FBXO34: variants seen among roughly 807,000 people sequenced by gnomAD.
FBXO34 encodes the protein F-box only protein 34.
In FBXO34, 12 loss-of-function variants were observed where a neutral mutation model predicts 24.5. The observed-to-expected ratio is 0.49, with a 90% CI of 0.31 to 0.79. The LOEUF (loss-of-function observed/expected upper bound fraction) is 0.79. FBXO34 is among the 30% of genes least tolerant of loss of function. The pLI, the probability that FBXO34 is intolerant of heterozygous loss-of-function variation, is 0.04. For missense variants in FBXO34, 823 were observed against 857.7 expected, an observed-to-expected ratio of 0.96 and a Z score of 0.51; for synonymous variants, 320 against 311.9, an observed-to-expected ratio of 1.03 and a Z score of -0.27.
intron 1 of FBXO34, among the ~76,000 whole-genome samples, chr14:55,273,977 T>C (rs1388045472): frequency 6.6e-6 from 1 of 152,152 alleles, no homozygotes; most frequent in Non-Finnish European, 1.5e-5. Context: ...GGCTAATTTT[T>C]GTATTTTTAG....
chr14:55,433,652 T>C, the FBXO34 span: 1 of 1,614,112 alleles, frequency 6.2e-7, no homozygotes, highest in Non-Finnish European at 8.5e-7. Flanking sequence ...GTGCAGACCA[T>C]CTTCCCAGAG....
chr14:55,293,617 TC>T (rs763734456), intron 1 of FBXO34, among the ~76,000 whole-genome samples: 1 of 151,774 alleles, frequency 6.6e-6, no homozygotes, highest in Non-Finnish European at 1.5e-5. Flanking sequence ...TTTTTTTAAA[TC>T]AATGAAGGCT....
At chr14:55,429,963 G>A in the FBXO34 span, among the ~76,000 whole-genome samples, 2 of 151,802 alleles carry the variant, frequency 1.3e-5, no homozygotes, top group East Asian at 3.9e-4. Flanking sequence ...TGTTTTGCTC[G>A]GCTTTCTCAC....
At chr14:55,398,049 G>GC in the FBXO34 span, among the ~76,000 whole-genome samples, 1 of 147,022 alleles carries the variant, frequency 6.8e-6, no homozygotes, top group Non-Finnish European at 1.5e-5. Flanking sequence ...CTGGGCTCAC[G>GC]CCATTCTCCC....
chr14:55,302,701 C>G (rs2139715649), intron 1 of FBXO34, among the ~76,000 whole-genome samples: 1 of 151,812 alleles, frequency 6.6e-6, no homozygotes, highest in Non-Finnish European at 1.5e-5. Flanking sequence ...CTAGAGTAGG[C>G]TTTATAATTA....
At chr14:55,315,386 A>G (rs1485976497) in intron 1 of FBXO34, among the ~76,000 whole-genome samples, 1 of 152,126 alleles carries the variant, frequency 6.6e-6, no homozygotes, top group East Asian at 1.9e-4. Context: ...GGTTTTATGT[A>G]TACCTGTTAT....
chr14:55,433,847 T>A, the FBXO34 span: 3 of 718,396 alleles, frequency 4.2e-6, no homozygotes, highest in Non-Finnish European at 6.7e-6. Context: ...CTGGGTCTTT[T>A]CTCCCTACAT....
At chr14:55,385,387 G>A in the FBXO34 span, among the ~76,000 whole-genome samples, 1 of 152,120 alleles carries the variant, frequency 6.6e-6, no homozygotes, top group Non-Finnish European at 1.5e-5. Context: ...CGGCCTCCTG[G>A]GTTCAAGCAA....
downstream of FBXO34, among the ~76,000 whole-genome samples, chr14:55,372,819 C>G (rs1355262426): frequency 6.6e-6 from 1 of 152,092 alleles, no homozygotes; most frequent in East Asian, 1.9e-4. Context: ...GCAGAAGGGA[C>G]AGAGAGGAGG....
chr14:55,432,901 AGCTAAT>A, the FBXO34 span, among the ~76,000 whole-genome samples: 1 of 152,178 alleles, frequency 6.6e-6, no homozygotes, highest in Non-Finnish European at 1.5e-5. Flanking sequence ...ATGCCTCCTG[AGCTAAT>A]GCAAGCTAAT....
intron 1 of FBXO34, among the ~76,000 whole-genome samples, chr14:55,349,607 C>CTTTTTTTTTTTTTT (rs57284715): frequency 1.7e-5 from 2 of 116,636 alleles, no homozygotes; most frequent in East Asian, 2.5e-4. Flanking sequence ...CAATAATTTT[C>CTTTTTTTTTTTTTT]TTTTTTTTTT....
At chr14:55,378,396 T>C in the FBXO34 span, among the ~76,000 whole-genome samples, 5,285 of 152,344 alleles carry the variant, frequency 0.035, 246 homozygotes, top group African/African-American at 0.1. Flanking sequence ...TGGTAAGATC[T>C]TGACACCTTT....
At chr14:55,403,453 G>A in the FBXO34 span, among the ~76,000 whole-genome samples, 1 of 151,982 alleles carries the variant, frequency 6.6e-6, no homozygotes, top group Non-Finnish European at 1.5e-5. Context: ...TCTAAACTGG[G>A]ACAGCCTTTA....
the FBXO34 span, chr14:55,414,247 T>C: frequency 1.5e-6 from 1 of 680,282 alleles, no homozygotes; most frequent in Admixed American, 2.9e-5. Context: ...TTAGGTTACT[T>C]ACACAGAGTC....
At chr14:55,391,192 T>C in the FBXO34 span, 1 of 460,080 alleles carries the variant, frequency 2.2e-6, no homozygotes, top group South Asian at 2.4e-5. Flanking sequence ...AAAAGAGAAA[T>C]TAGGCCAGTG....
chr14:55,419,669 G>T, the FBXO34 span, among the ~76,000 whole-genome samples: 1 of 152,190 alleles, frequency 6.6e-6, no homozygotes, highest in East Asian at 1.9e-4. Flanking sequence ...CATGGTGGCT[G>T]TAGCTGTGGC....
chr14:55,397,838 T>C, the FBXO34 span, among the ~76,000 whole-genome samples: 1 of 152,214 alleles, frequency 6.6e-6, no homozygotes, highest in South Asian at 2.1e-4. Flanking sequence ...AATAAATTTT[T>C]AAAAATTGTA....
chr14:55,391,016 T>A, the FBXO34 span: 1 of 1,543,360 alleles, frequency 6.5e-7, no homozygotes, highest in Non-Finnish European at 8.9e-7. Flanking sequence ...GTAATAAATA[T>A]CACAAACGTT....
chr14:55,391,056 C>T, the FBXO34 span: 1 of 1,032,270 alleles, frequency 9.7e-7, no homozygotes, highest in East Asian at 2.6e-5. Context: ...GATTATCTAC[C>T]TGGGATCACT....
Sources: gnomAD v4.1 joint callset for allele counts (sites outside exome capture counted in the v4.1 genomes callset) on GRCh38, gnomAD v4.1.1 for gene constraint, MANE v1.5 for transcripts, NCBI Gene and HGNC (gene_info 2026-07-23, HGNC 2026-07-21) for gene names.